Variants in GPHN observed in about 807,000 individuals in gnomAD.
GPHN encodes gephyrin.
Under a neutral mutation model 95.5 loss-of-function variants are expected in GPHN, and 17 were observed. That is an observed-to-expected ratio of 0.18 (90% CI 0.12 to 0.27). The LOEUF (loss-of-function observed/expected upper bound fraction) is 0.27, where lower values mean the gene tolerates loss of function less well. Among genes scored for constraint, GPHN ranks in the 10% least tolerant of loss-of-function variants. The pLI is 1.00. For missense variants in GPHN, 660 were observed against 978.1 expected (o/e 0.67, Z 4.34); for synonymous variants, 320 against 322.5 (o/e 0.99, Z 0.08).
chr14:67,070,257 AT>A (rs1279576944), intron 11 of GPHN, among the ~76,000 whole-genome samples: 1 of 150,736 alleles, frequency 6.6e-6, no homozygotes, highest in Admixed American at 6.6e-5. Flanking sequence ...CCCTCAATAT[AT>A]TTTTGTGACA....
intron 18 of GPHN, among the ~76,000 whole-genome samples, chr14:67,149,904 A>C (rs1006115822): frequency 6.6e-6 from 1 of 152,168 alleles, no homozygotes. Flanking sequence ...TATTCACCTT[A>C]AGAAGTACAT....
chr14:66,552,571 T>C (rs1304213526), intron 1 of GPHN, among the ~76,000 whole-genome samples: 6 of 152,214 alleles, frequency 3.9e-5, no homozygotes, highest in Non-Finnish European at 5.9e-5. Flanking sequence ...GTCTTTGGTC[T>C]GAAGAACACT....
chr14:66,707,102 A>G (rs1464319390), intron 2 of GPHN, among the ~76,000 whole-genome samples: 2 of 152,122 alleles, frequency 1.3e-5, no homozygotes, highest in African/African-American at 2.4e-5. Context: ...GCAAATCAAA[A>G]CCACAATGAG....
At chr14:66,694,162 G>T (rs1340027671) in intron 2 of GPHN, among the ~76,000 whole-genome samples, 2 of 152,122 alleles carry the variant, frequency 1.3e-5, no homozygotes, top group Non-Finnish European at 2.9e-5. Flanking sequence ...ATTTAGTCAT[G>T]AGGGCAGAGA....
the GPHN span, among the ~76,000 whole-genome samples, chr14:67,289,804 T>C: frequency 2.1e-5 from 3 of 143,720 alleles, no homozygotes; most frequent in African/African-American, 7.8e-5. Context: ...ACGGAGTCTC[T>C]CTGTCGCCCA....
chr14:66,838,456 C>G (rs1047248520), intron 4 of GPHN, among the ~76,000 whole-genome samples: 1 of 152,066 alleles, frequency 6.6e-6, no homozygotes, highest in Non-Finnish European at 1.5e-5. Flanking sequence ...TCAAAGAAGA[C>G]ATGTTAAATC....
At chr14:66,588,602 A>G (rs1018589938) in intron 1 of GPHN, among the ~76,000 whole-genome samples, 1 of 152,110 alleles carries the variant, frequency 6.6e-6, no homozygotes, top group Non-Finnish European at 1.5e-5. Context: ...ACAAGTATCA[A>G]TAGGCGAATC....
the GPHN span, chr14:67,570,469 T>G: frequency 5.4e-6 from 1 of 186,754 alleles, no homozygotes; most frequent in Non-Finnish European, 1.0e-5. Flanking sequence ...TTGATAAAAT[T>G]TTTTATAGAA....
At chr14:66,533,575 G>A (rs149531535) in intron 1 of GPHN, among the ~76,000 whole-genome samples, 2 of 152,322 alleles carry the variant, frequency 1.3e-5, no homozygotes, top group Non-Finnish European at 2.9e-5. Context: ...AAGGAAGGTA[G>A]TGTTTCAGTA....
At chr14:67,656,419 A>G in the GPHN span, 2 of 1,604,034 alleles carry the variant, frequency 1.2e-6, no homozygotes, top group Non-Finnish European at 1.7e-6. Context: ...GACTTACTCT[A>G]CTCTTGGTAC....
chr14:66,664,455 C>T (rs2065835527), intron 1 of GPHN, among the ~76,000 whole-genome samples: 1 of 152,070 alleles, frequency 6.6e-6, no homozygotes, highest in Non-Finnish European at 1.5e-5. Flanking sequence ...ATACAATGTA[C>T]CAGATTCTCA....
chr14:66,512,118 T>C (rs1205761228), intron 1 of GPHN, among the ~76,000 whole-genome samples: 1 of 151,912 alleles, frequency 6.6e-6, no homozygotes, highest in Non-Finnish European at 1.5e-5. Flanking sequence ...AATAAACAAG[T>C]ATCTGCTACT....
chr14:66,586,004 T>G (rs1374521379), intron 1 of GPHN, among the ~76,000 whole-genome samples: 3 of 152,110 alleles, frequency 2.0e-5, no homozygotes, highest in Admixed American at 1.3e-4. Flanking sequence ...AAGTCTCCCA[T>G]TATTATTGTG....
intron 1 of GPHN, among the ~76,000 whole-genome samples, chr14:66,666,295 A>G (rs1468567493): frequency 1.3e-5 from 2 of 150,636 alleles, no homozygotes; most frequent in Non-Finnish European, 3.0e-5. Flanking sequence ...GAATCTTCCA[A>G]CCACCCAAAA....
chr14:67,033,450 G>T (rs899884896), intron 10 of GPHN, among the ~76,000 whole-genome samples: 1 of 151,980 alleles, frequency 6.6e-6, no homozygotes, highest in African/African-American at 2.4e-5. Flanking sequence ...TGTAATCCCA[G>T]CTACTCAGGA....
chr14:67,582,211 G>A, the GPHN span: 12 of 1,613,694 alleles, frequency 7.4e-6, no homozygotes, highest in Non-Finnish European at 1.0e-5. The surrounding 1 kb of genome is among the most constrained non-coding windows in gnomAD (Gnocchi z 5.0). Flanking sequence ...GATGGCCCAG[G>A]TAAGGTTCTG....
the GPHN span, among the ~76,000 whole-genome samples, chr14:67,403,945 C>T: frequency 1.3e-5 from 2 of 152,082 alleles, no homozygotes; most frequent in African/African-American, 4.8e-5. Flanking sequence ...TCAGCCAACT[C>T]AAGAGGCTGA....
At chr14:67,070,834 G>A (rs1023683437) in intron 11 of GPHN, among the ~76,000 whole-genome samples, 2 of 151,032 alleles carry the variant, frequency 1.3e-5, no homozygotes, top group Non-Finnish European at 1.5e-5. Context: ...TCTTGTTTAG[G>A]GGGGTTATTT....
chr14:67,619,562 G>A, the GPHN span, among the ~76,000 whole-genome samples: 3 of 152,274 alleles, frequency 2.0e-5, no homozygotes, highest in Admixed American at 2.0e-4. Flanking sequence ...AGCATCAGCC[G>A]GGCGTGAAGA....
Sources: gnomAD v4.1 joint callset for allele counts (sites outside exome capture counted in the v4.1 genomes callset) on GRCh38, gnomAD v4.1.1 for gene constraint, Gnocchi (gnomAD v3.1) non-coding constraint, MANE v1.5 for transcripts, NCBI Gene and HGNC (gene_info 2026-07-23, HGNC 2026-07-21) for gene names.